CDYL: variants seen among roughly 807,000 people sequenced by gnomAD.
CDYL encodes the protein chromodomain Y-like protein.
A neutral mutation model predicts 47.3 loss-of-function variants in CDYL; 8 were observed. That is an observed-to-expected ratio of 0.17 (90% CI 0.10 to 0.31). The LOEUF (loss-of-function observed/expected upper bound fraction) is 0.31. Ranked by LOEUF, CDYL falls within the 10% of genes least tolerant of loss-of-function variation. The probability of loss-of-function intolerance (pLI) is 1.00; values close to 1 mark genes in which losing one functional copy is unlikely to be tolerated. For missense variants in CDYL, 471 were observed against 701.4 expected (o/e 0.67, Z 3.71); for synonymous variants, 266 against 265.0 (o/e 1.00, Z -0.04).
rs1298802569 is a variant in CDYL, at chr6:4,940,442, C to T, written c.1121+2705C>T. On this transcript the variant is annotated intron_variant, in intron 4 of 6. Transcript: ENST00000397588. ...TTCTCTGGTGTCTTGTCTCATGTTC[C>T]TTAAAACTTGGAGGCAAAGGACTTC... Among the ~76,000 whole-genome samples, 3 of 150,682 alleles carry T rather than the reference C, an allele frequency of 2.0e-5. No homozygotes were observed. The Admixed American group carries it at 2.1e-4, about 11-fold the overall frequency.
intron 3 of CDYL, among the ~76,000 whole-genome samples, chr6:4,746,040 C>T (rs1757890475): frequency 6.6e-6 from 1 of 152,170 alleles, no homozygotes; most frequent in South Asian, 2.1e-4. Flanking sequence ...ATGTTAGATA[C>T]AAACGGGACA....
intron 1 of CDYL, among the ~76,000 whole-genome samples, chr6:4,846,199 AG>A (rs199517481): frequency 0.022 from 3,294 of 150,538 alleles, 124 homozygotes; most frequent in African/African-American, 0.076. Context: ...AAAAAAAAAA[AG>A]GTGGATATGG....
intron 1 of CDYL, among the ~76,000 whole-genome samples, chr6:4,821,497 G>A (rs1373358858): frequency 6.6e-6 from 1 of 152,022 alleles, no homozygotes; most frequent in Non-Finnish European, 1.5e-5. Flanking sequence ...ACTTTGGGGG[G>A]CCGAAGCGGG....
intron 3 of CDYL, among the ~76,000 whole-genome samples, chr6:4,737,908 C>G (rs1327864481): frequency 6.6e-6 from 1 of 151,996 alleles, no homozygotes; most frequent in East Asian, 1.9e-4. Context: ...AACTTCAACA[C>G]AATAACAGAC....
chr6:4,764,898 T>TA (rs1187993390), intron 3 of CDYL, among the ~76,000 whole-genome samples: 3 of 152,250 alleles, frequency 2.0e-5, no homozygotes, highest in Non-Finnish European at 4.4e-5. Flanking sequence ...GCATAACAAC[T>TA]AAAAAATACA....
chr6:4,837,817 A>G (rs1581202114), intron 1 of CDYL, among the ~76,000 whole-genome samples: 1 of 152,144 alleles, frequency 6.6e-6, no homozygotes, highest in South Asian at 2.1e-4. Flanking sequence ...TCTGTCGCCC[A>G]GGCTGGAGTG....
In CDYL at chr6:4,954,026, G is replaced by A. The variant is rs145597148; in HGVS notation, c.1605G>A (p.Lys535=). 103 of 1,613,962 alleles carry A rather than the reference G, an allele frequency of 6.4e-5. No homozygotes were observed. The highest frequency in any genetic ancestry group is 8.7e-5 in the Non-Finnish European group (103 of 1,180,020). The change falls in exon 7 of 7, where the codon AAG becomes AAA. Residue 535 remains lysine, a synonymous_variant. Transcript: ENST00000397588. ...GSAQGMDSML[K]YLQRKIDEF is the part of the protein sequence containing the mutation. ...CCCAGGGGATGGACTCCATGTTAAA[G>A]TACTTGCAGAGGAAGATCGATGAGT...
intron 5 of CDYL, among the ~76,000 whole-genome samples, chr6:4,949,799 G>A (rs1758641587): frequency 6.6e-6 from 1 of 152,256 alleles, no homozygotes; most frequent in South Asian, 2.1e-4. Flanking sequence ...CTTACCAAGG[G>A]AGATTTGTTG....
chr6:4,721,785 T>C (rs79769928), intron 2 of CDYL, among the ~76,000 whole-genome samples: 2,162 of 152,164 alleles, frequency 0.014, 50 homozygotes, highest in African/African-American at 0.05. Context: ...AAAATGGCAA[T>C]ACATGCTCTG....
At chr6:4,798,303 A>G (rs1759132816) in intron 1 of CDYL, among the ~76,000 whole-genome samples, 1 of 152,000 alleles carries the variant, frequency 6.6e-6, no homozygotes, top group Admixed American at 6.6e-5. Flanking sequence ...TTTAGTGAGG[A>G]TTTGGGGATA....
chr6:4,712,577 G>A (rs1242194305), intron 1 of CDYL, among the ~76,000 whole-genome samples: 1 of 152,240 alleles, frequency 6.6e-6, no homozygotes, highest in Non-Finnish European at 1.5e-5. Flanking sequence ...CAGGACAGCT[G>A]CGGATGGTGG....
intron 2 of CDYL, among the ~76,000 whole-genome samples, chr6:4,911,400 G>A (rs575908285): frequency 1.8e-4 from 27 of 152,342 alleles, no homozygotes; most frequent in South Asian, 1.7e-3. Context: ...TAGTTGCTCC[G>A]TAGAAGTATA....
chr6:4,709,696 T>G (rs1757115048), intron 1 of CDYL, among the ~76,000 whole-genome samples: 2 of 152,192 alleles, frequency 1.3e-5, no homozygotes, highest in Non-Finnish European at 2.9e-5. Context: ...TTTTAAAAAA[T>G]TACCCTTAAG....
intron 3 of CDYL, among the ~76,000 whole-genome samples, chr6:4,743,832 G>A (rs925575083): frequency 2.0e-5 from 3 of 152,218 alleles, no homozygotes; most frequent in African/African-American, 7.2e-5. Flanking sequence ...CTTGTCAGAT[G>A]TGTAGTATGA....
chr6:4,856,564 C>T (rs548392873), intron 1 of CDYL, among the ~76,000 whole-genome samples: 7 of 152,124 alleles, frequency 4.6e-5, no homozygotes, highest in Non-Finnish European at 2.9e-5. Context: ...GCTGTGAGGA[C>T]GCTGTTGCGA....
intron 3 of CDYL, among the ~76,000 whole-genome samples, chr6:4,750,058 G>C (rs1328622281): frequency 6.6e-6 from 1 of 152,080 alleles, no homozygotes; most frequent in Non-Finnish European, 1.5e-5. Flanking sequence ...AACTGTAAAG[G>C]CCAGGCATGG....
intron 1 of CDYL, among the ~76,000 whole-genome samples, chr6:4,834,979 AT>A (rs1167528571): frequency 6.6e-6 from 1 of 151,766 alleles, no homozygotes; most frequent in African/African-American, 2.4e-5. Context: ...ATTCGTCTAA[AT>A]TTTTTTTGAA....
chr6:4,952,132 CT>C (rs1188320185), intron 5 of CDYL, 133 bp from the exon 6 acceptor site: 3 of 999,476 alleles, frequency 3.0e-6, no homozygotes, highest in African/African-American at 1.6e-5. Context: ...CCAGCGGCCC[CT>C]AGAGGATGTG....
At chr6:4,709,359 G>A (rs557727078) in intron 1 of CDYL, among the ~76,000 whole-genome samples, 183 of 152,154 alleles carry the variant, frequency 1.2e-3, no homozygotes, top group African/African-American at 3.9e-3. Flanking sequence ...CCCCATGCCC[G>A]GCTAATTTTT....
Sources: allele counts gnomAD v4.1 joint callset (sites outside exome capture counted in the v4.1 genomes callset), GRCh38; gene constraint gnomAD v4.1.1; transcripts MANE v1.5; gene names NCBI Gene and HGNC (gene_info 2026-07-23, HGNC 2026-07-21).